ATAD2: variants seen among roughly 807,000 people sequenced by gnomAD.
The protein encoded by ATAD2 is ATPase family AAA domain-containing protein 2.
ATAD2 carries 62 observed loss-of-function variants against 168.9 expected under a neutral mutation model. The ratio of observed to expected loss-of-function variants is 0.37; its 90% CI spans 0.30 to 0.45. ATAD2 has a LOEUF of 0.45. Ranked by LOEUF, ATAD2 falls within the 20% of genes least tolerant of loss-of-function variation. ATAD2 has a pLI of 1.00. For missense variants in ATAD2, 1,419 were observed against 1,667.8 expected (o/e 0.85, Z 2.60); for synonymous variants, 613 against 571.6 (o/e 1.07, Z -1.03).
chr8:123,322,120 T>G (rs181137615), intron 27 of ATAD2, among the ~76,000 whole-genome samples: 35 of 151,900 alleles, frequency 2.3e-4, no homozygotes, highest in Admixed American at 5.3e-4. Context: ...CCCGAGTAGC[T>G]AGGACTATGG....
intron 13 of ATAD2, among the ~76,000 whole-genome samples, chr8:123,354,990 C>T (rs1308437918): frequency 6.7e-6 from 1 of 149,730 alleles, no homozygotes; most frequent in Non-Finnish European, 1.5e-5. Flanking sequence ...ACTCAACTTA[C>T]TTGATTATGA....
At chr8:123,330,760 T>C (rs1201908540) in intron 24 of ATAD2, among the ~76,000 whole-genome samples, 1 of 152,228 alleles carries the variant, frequency 6.6e-6, no homozygotes, top group Non-Finnish European at 1.5e-5. Flanking sequence ...ATGACTTCAT[T>C]TTTTCTTGAA....
intron 11 of ATAD2, 142 bp from the exon 12 acceptor site, chr8:123,357,878 A>G: frequency 1.5e-5 from 11 of 758,606 alleles, no homozygotes; most frequent in Non-Finnish European, 2.2e-5. Flanking sequence ...GTTTCGCACC[A>G]CAAAGCACAA....
chr8:123,324,508 A>C (rs1827553089), intron 26 of ATAD2, among the ~76,000 whole-genome samples: 1 of 152,212 alleles, frequency 6.6e-6, no homozygotes, highest in Non-Finnish European at 1.5e-5. Flanking sequence ...TTGTTGGTTG[A>C]GGAGATAAGA....
At chr8:123,395,920 C>T (rs1433843425) in intron 1 of ATAD2, among the ~76,000 whole-genome samples, 1 of 152,184 alleles carries the variant, frequency 6.6e-6, no homozygotes, top group Non-Finnish European at 1.5e-5. Flanking sequence ...CCCCAGACCG[C>T]ACTCCGCTGT....
upstream of ATAD2, chr8:123,401,019 C>T (rs1812988994): frequency 1.6e-5 from 25 of 1,543,106 alleles, no homozygotes; most frequent in South Asian, 2.7e-4. Flanking sequence ...CTGAGACAGG[C>T]ACCATGGGCA....
intron 21 of ATAD2, 39 bp from the exon 22 acceptor site, chr8:123,336,571 C>G (rs903189339): frequency 9.0e-6 from 13 of 1,441,092 alleles, no homozygotes; most frequent in African/African-American, 2.9e-5. Context: ...AAAATTAACT[C>G]TAAACATAAC....
In ATAD2 at chr8:123,359,356, T is replaced by C. The variant is rs552272130; in HGVS notation, c.1267-20A>G. The C allele has an allele frequency of 3.9e-6, 6 of 1,543,536 alleles. No homozygotes were observed. In the South Asian group the frequency reaches 4.7e-5, roughly 12 times the overall value. Reference sequence around the variant, plus strand: ...TCGTACCTGGTAATGGAAGCGAACATGTACATTTTTAGATTTGGAGTCCAG... The same window carrying C: ...TCGTACCTGGTAATGGAAGCGAACACGTACATTTTTAGATTTGGAGTCCAG... On this transcript the variant is annotated intron_variant, in intron 10 of 27. Transcript: ENST00000287394.
chr8:123,365,449 C>T (rs1406708248), intron 8 of ATAD2, among the ~76,000 whole-genome samples: 3 of 151,988 alleles, frequency 2.0e-5, no homozygotes, highest in Non-Finnish European at 4.4e-5. Flanking sequence ...TCATATGGAA[C>T]CAAAAAAGCC....
At chr8:123,372,753 G>C in intron 2 of ATAD2, 67 bp from the exon 3 acceptor site, 1 of 1,311,676 alleles carries the variant, frequency 7.6e-7, no homozygotes, top group East Asian at 2.6e-5. Flanking sequence ...TATTTAGATG[G>C]GATTGCACTC....
chr8:123,399,798 G>A (rs184968366), upstream of ATAD2, among the ~76,000 whole-genome samples: 15 of 151,924 alleles, frequency 9.9e-5, no homozygotes, highest in African/African-American at 3.6e-4. Context: ...AGGTTGCGGT[G>A]AGCCGAGATT....
intron 1 of ATAD2, among the ~76,000 whole-genome samples, chr8:123,382,289 T>C (rs1319351718): frequency 1.3e-5 from 2 of 152,166 alleles, no homozygotes; most frequent in African/African-American, 2.4e-5. Context: ...TGGTTCACAA[T>C]AAAAAGGATA....
intron 19 of ATAD2, 108 bp from the exon 20 acceptor site, chr8:123,339,554 G>A: frequency 1.0e-6 from 1 of 995,080 alleles, no homozygotes; most frequent in South Asian, 1.6e-5. Flanking sequence ...AAAGTGACAT[G>A]TATTCAGTAT....
At position 123,396,406 on chromosome 8, in the gene ATAD2, T is replaced by TCCAG; in HGVS notation, c.-53_-50dup. 1 of 1,480,948 alleles carries TCCAG rather than the reference T, an allele frequency of 6.8e-7. No individual in the cohort carries two copies. Among genetic ancestry groups the TCCAG allele is most frequent in the Non-Finnish European group, 8.9e-7 (1 of 1,118,950 alleles). 91.7% of individuals were successfully genotyped at this position (1,480,948 alleles called of 1,614,324 possible). A position where few individuals can be genotyped will look rare whatever the true frequency, so the allele number is the denominator to read the frequency against. ...GTGCGCGACCGGAGAGAGATCCAGC[T>TCCAG]CCAGGCGCTCGCAGCTCTGGCTCTT... On this transcript the variant is annotated 5_prime_UTR_variant, in exon 1 of 28. Transcript: ENST00000287394.
chr8:123,369,380 G>C (rs946670570), intron 7 of ATAD2: 1 of 217,608 alleles, frequency 4.6e-6, no homozygotes, highest in Non-Finnish European at 8.8e-6. Context: ...CTGATAACAT[G>C]TATAGCACAG....
intron 1 of ATAD2, among the ~76,000 whole-genome samples, chr8:123,406,678 G>A (rs1031890623): frequency 1.3e-5 from 2 of 151,854 alleles, no homozygotes; most frequent in African/African-American, 2.4e-5. Context: ...TTAGCCGGGC[G>A]TTGTGGTGCA....
intron 1 of ATAD2, among the ~76,000 whole-genome samples, chr8:123,409,799 C>T (rs1214594996): frequency 2.0e-5 from 3 of 151,762 alleles, no homozygotes; most frequent in East Asian, 2.0e-4. Flanking sequence ...AGCCGGGTGT[C>T]GTGGCACACA....
chr8:123,325,360 G>A (rs1827583806), intron 26 of ATAD2, among the ~76,000 whole-genome samples: 1 of 151,530 alleles, frequency 6.6e-6, no homozygotes, highest in African/African-American at 2.4e-5. Context: ...TCGGCTCACT[G>A]CAAGCTCCAC....
upstream of ATAD2, among the ~76,000 whole-genome samples, chr8:123,399,772 T>A (rs1002922094): frequency 2.6e-5 from 4 of 151,990 alleles, no homozygotes; most frequent in African/African-American, 7.3e-5. Context: ...AAGAATTTCT[T>A]GAACCTGGGA....
Sources: gnomAD v4.1 joint callset for allele counts (sites outside exome capture counted in the v4.1 genomes callset) on GRCh38, gnomAD v4.1.1 for gene constraint, MANE v1.5 for transcripts, NCBI Gene and HGNC (gene_info 2026-07-23, HGNC 2026-07-21) for gene names.